DDX39B: variants seen among roughly 807,000 people sequenced by gnomAD.
DDX39B encodes the protein DExD-box helicase 39B, also known as spliceosome RNA helicase DDX39B.
DDX39B carries 6 observed loss-of-function variants against 46.4 expected under a neutral mutation model. That is an observed-to-expected ratio of 0.13 (90% CI 0.07 to 0.26). The LOEUF is 0.26. DDX39B is among the 10% of genes least tolerant of loss of function. The pLI is 1.00. For missense variants in DDX39B, 185 were observed against 553.4 expected, an observed-to-expected ratio of 0.33 and a Z score of 6.68; for synonymous variants, 174 against 199.4, an observed-to-expected ratio of 0.87 and a Z score of 1.07.
chr6:31,534,442 C>T lies in DDX39B; in HGVS notation c.735+925G>A, dbSNP rs375635438. The T allele has an allele frequency of 2.1e-6, 1 of 470,532 alleles. No individual in the cohort carries two copies. Among genetic ancestry groups the T allele is most frequent in the Admixed American group, 2.4e-5 (1 of 42,434 alleles). The allele number at this position is 470,532 out of a possible 1,614,324, so 29.1% of individuals were successfully genotyped here. Reference sequence around the variant, plus strand: ...TCCACTGCTTATGCAATTGGCCCCACCTAGCCCCAAACCCTAACAACCACC... The same window carrying T: ...TCCACTGCTTATGCAATTGGCCCCATCTAGCCCCAAACCCTAACAACCACC... On this transcript the variant is annotated intron_variant, in intron 6 of 10. Transcript: ENST00000396172. The surrounding 1 kb of genome is among the most constrained non-coding windows in gnomAD (Gnocchi z 5.1).
Position 31,534,244 on chromosome 6 carries a change from C to T in DDX39B, c.735+1123G>A. ...CAAATTCCTGGGCTCAAGCAATCCT[C>T]CCACCTTGGCCTCCCAAAGTGCTGG... On this transcript the variant is annotated intron_variant, in intron 6 of 10. Coordinates refer to ENST00000396172, the MANE Select transcript of DDX39B (RefSeq NM_004640.7). This position sits in a 1 kb window ranked among gnomAD's most constrained non-coding sequence, Gnocchi z 5.1. 4.2e-6 allele frequency: 1 copy of T among 240,318 alleles called. No individual in the cohort carries two copies. 14.9% of individuals were successfully genotyped at this position (240,318 alleles called of 1,614,324 possible). A position where few individuals can be genotyped will look rare whatever the true frequency, so the allele number is the denominator to read the frequency against.
Position 31,531,151 on chromosome 6 carries a change from C to A in DDX39B, c.1024G>T (p.Val342Leu). The change falls in exon 9 of 11, where the codon GTG becomes TTG. Residue 342 changes from valine to leucine, a missense_variant. By Grantham distance (32) the Val-to-Leu change is conservative (BLOSUM62 1). This residue lies in a region of DDX39B where 110 missense variants were observed against 282.2 expected (regional missense o/e 0.39). Transcript: ENST00000396172. This position sits in a 1 kb window ranked among gnomAD's most constrained non-coding sequence, Gnocchi z 5.8. ...QFKDFQRRIL[V>L]ATNLFGRGMD... Reference sequence around the variant, plus strand: ...CCTCGGCCAAATAGGTTGGTAGCCACAAGAATTCGTCGTTGAAAATCTTTA... The same window carrying A: ...CCTCGGCCAAATAGGTTGGTAGCCAAAAGAATTCGTCGTTGAAAATCTTTA... 1 of 1,614,204 alleles carries A rather than the reference C, an allele frequency of 6.2e-7. No homozygotes were observed. The highest frequency in any genetic ancestry group is 8.5e-7 in the Non-Finnish European group (1 of 1,180,040).
intron 4 of DDX39B, among the ~76,000 whole-genome samples, chr6:31,537,802 G>A (rs1767950471): frequency 6.6e-6 from 1 of 152,070 alleles, no homozygotes; most frequent in Non-Finnish European, 1.5e-5. Flanking sequence ...TTGGGAGGCC[G>A]AGGTGGGTGG....
At chr6:31,536,840 C>G (rs1442498400) in intron 4 of DDX39B, among the ~76,000 whole-genome samples, 157 bp from the exon 5 acceptor site, 1 of 152,208 alleles carries the variant, frequency 6.6e-6, no homozygotes, top group Non-Finnish European at 1.5e-5. Flanking sequence ...ATGTCCCCCC[C>G]ACCAAACACT....
chr6:31,536,375 G>T (rs750853842), intron 5 of DDX39B, 125 bp downstream of exon 5: 1 of 1,338,944 alleles, frequency 7.5e-7, no homozygotes, highest in Non-Finnish European at 1.1e-6. Context: ...GGAACCCAGA[G>T]CCATCAGTCA....
chr6:31,532,973 G>C lies in DDX39B; in HGVS notation c.736-62C>G, dbSNP rs1157514519. On this transcript the variant is annotated intron_variant, in intron 6 of 10. Transcript: ENST00000396172. ...GCAGAGTGGGGGGGTTAAACCTGGG[G>C]GGGTGGAGGAAGTTGATCTCCAATA... 6 of 301,070 alleles carry C rather than the reference G, an allele frequency of 2.0e-5. 1 individual carries two copies. Among genetic ancestry groups the C allele is most frequent in the South Asian group, 6.8e-5 (3 of 44,136 alleles). The allele number at this position is 301,070 out of a possible 1,614,324, so 18.6% of individuals were successfully genotyped here.
At position 31,534,540 on chromosome 6, in the gene DDX39B, GA is replaced by G. The variant is rs773692752; in HGVS notation, c.735+826del. The G allele has an allele frequency of 1.9e-5, 9 of 468,544 alleles. No homozygotes were observed. 29.0% of individuals were successfully genotyped at this position (468,544 alleles called of 1,614,324 possible). On this transcript the variant is annotated intron_variant, in intron 6 of 10. Transcript: ENST00000396172. The surrounding 1 kb of genome is among the most constrained non-coding windows in gnomAD (Gnocchi z 5.1). ...AAAAAAAACAAAAAAATTTTTTTAAGAAAAAAAATCTACCACCCCATTCAGG... is the reference window on the plus strand; with the variant it reads ...AAAAAAAACAAAAAAATTTTTTTAAGAAAAAAATCTACCACCCCATTCAGG...
chr6:31,536,397 T>C (rs755119073), intron 5 of DDX39B, 103 bp downstream of exon 5: 109 of 1,531,500 alleles, frequency 7.1e-5, no homozygotes, highest in Non-Finnish European at 9.0e-5. Flanking sequence ...GGGTGATAGA[T>C]AAGAGTCGTC....
chr6:31,536,603 C>G lies in DDX39B; in HGVS notation c.513G>C (p.Gly171=). The change falls in exon 5 of 11, where the codon GGG becomes GGC. Residue 171 remains glycine (G), a synonymous_variant. Coordinates refer to ENST00000396172, the MANE Select transcript of DDX39B (RefSeq NM_004640.7). ...LKKNCPHIVV[G]TPGRILALAR... is the part of the protein sequence containing the mutation. ...CCAGGGCTAGGATACGGCCTGGAGTCCCCACGACGATATGCGGGCAGTTCT... is the reference window on the plus strand; with the variant it reads ...CCAGGGCTAGGATACGGCCTGGAGTGCCCACGACGATATGCGGGCAGTTCT... The G allele has an allele frequency of 6.2e-7, 1 of 1,613,234 alleles. No individual in the cohort carries two copies. Among genetic ancestry groups the G allele is most frequent in the South Asian group, 1.1e-5 (1 of 91,074 alleles).
chr6:31,532,679 T>C, intron 7 of DDX39B, 101 bp downstream of exon 7: 1 of 1,460,718 alleles, frequency 6.8e-7, no homozygotes, highest in South Asian at 1.2e-5. Flanking sequence ...CTCTCCCACA[T>C]CACACATGTG....
intron 1 of DDX39B, 163 bp downstream of exon 1, chr6:31,541,784 CAGG>C (rs1768505896): frequency 4.5e-6 from 3 of 662,630 alleles, no homozygotes; most frequent in South Asian, 3.1e-5. Context: ...TTCCTTCCCC[CAGG>C]AGCTCTTTGC....
At chr6:31,533,020 G>T in intron 6 of DDX39B, 109 bp from the exon 7 acceptor site, 1 of 630,274 alleles carries the variant, frequency 1.6e-6, no homozygotes. Flanking sequence ...GGGATGGGGA[G>T]GAAAGAGAAG....
At position 31,531,546 on chromosome 6, in the gene DDX39B, T is replaced by C. The variant is rs1450775195; in HGVS notation, c.868-141A>G. ...TCATTTCTCTTATTCCCCCACTATA[T>C]ATTTAGAGCAGAAAAGGAAATATAA... On this transcript the variant is annotated intron_variant, in intron 7 of 10. Coordinates refer to ENST00000396172, the MANE Select transcript of DDX39B (RefSeq NM_004640.7). The surrounding 1 kb of genome is among the most constrained non-coding windows in gnomAD (Gnocchi z 5.8). 1.4e-6 allele frequency: 1 copy of C among 711,558 alleles called. No homozygotes were observed. Among genetic ancestry groups the C allele is most frequent in the East Asian group, 2.7e-5 (1 of 36,656 alleles). The allele number at this position is 711,558 out of a possible 1,614,324, so 44.1% of individuals were successfully genotyped here. A position where few individuals can be genotyped will look rare whatever the true frequency, so the allele number is the denominator to read the frequency against.
chr6:31,534,167 G>A lies in DDX39B; in HGVS notation c.735+1200C>T, dbSNP rs549587086. 3.9e-4 allele frequency: 72 copies of A among 183,046 alleles called. No homozygotes were observed. The highest frequency in any genetic ancestry group is 1.4e-3 in the Admixed American group (25 of 17,518). 11.3% of individuals were successfully genotyped at this position (183,046 alleles called of 1,614,324 possible). On this transcript the variant is annotated intron_variant, in intron 6 of 10. Transcript: ENST00000396172. This position sits in a 1 kb window ranked among gnomAD's most constrained non-coding sequence, Gnocchi z 5.1. ...TGGGACTACAGGCATGCGCCACCAC[G>A]CCCGGTTTTTCTGGTAGAGACAAAG...
chr6:31,533,472 TAAG>T (rs1767421968), intron 6 of DDX39B: 1 of 155,202 alleles, frequency 6.4e-6, no homozygotes, highest in East Asian at 1.9e-4. Context: ...AAATGCCACT[TAAG>T]GAGAAACAAA....
rs776298571 is a variant in DDX39B, at chr6:31,534,327, G to C, written c.735+1040C>G. The C allele has an allele frequency of 2.9e-6, 1 of 339,658 alleles. No individual in the cohort carries two copies. Among genetic ancestry groups the C allele is most frequent in the Non-Finnish European group, 6.1e-6 (1 of 162,806 alleles). 21.0% of individuals were successfully genotyped at this position (339,658 alleles called of 1,614,324 possible). ...CAGGCTTTCTAAAGAGAAGTTCCAT[G>C]GCCTCCTTCAAATCTCATTCTAGCC... On this transcript the variant is annotated intron_variant, in intron 6 of 10. Coordinates refer to ENST00000396172, the MANE Select transcript of DDX39B (RefSeq NM_004640.7). The surrounding 1 kb of genome is among the most constrained non-coding windows in gnomAD (Gnocchi z 5.1).
intron 4 of DDX39B, 35 bp downstream of exon 4, chr6:31,538,728 C>T (rs1176109856): frequency 6.3e-7 from 1 of 1,577,084 alleles, no homozygotes; most frequent in Admixed American, 1.9e-5. Flanking sequence ...CAACTTGCCA[C>T]ACCCTCACTC....
chr6:31,532,220 CTT>C lies in DDX39B; in HGVS notation c.867+558_867+559del, dbSNP rs536659996. Among the ~76,000 whole-genome samples, 4 of 152,268 alleles carry C rather than the reference CTT, an allele frequency of 2.6e-5. No homozygotes were observed. In the South Asian group the frequency reaches 8.3e-4, roughly 32 times the overall value. On this transcript the variant is annotated intron_variant, in intron 7 of 10. Transcript: ENST00000396172. ...CATGCCCCCAAACATCGTTTCAAGACTTTTAACAACTTCCTAAAATCCTTCAA... is the reference window on the plus strand; with the variant it reads ...CATGCCCCCAAACATCGTTTCAAGACTTAACAACTTCCTAAAATCCTTCAA...
chr6:31,535,789 A>G lies in DDX39B; in HGVS notation c.617-304T>C, dbSNP rs892558428. Among the ~76,000 whole-genome samples the G allele has an allele frequency of 1.3e-5, 2 of 152,198 alleles. No individual in the cohort carries two copies. Among genetic ancestry groups the G allele is most frequent in the African/African-American group, 4.8e-5 (2 of 41,450 alleles). On this transcript the variant is annotated intron_variant, in intron 5 of 10. Coordinates refer to ENST00000396172, the MANE Select transcript of DDX39B (RefSeq NM_004640.7). This position sits in a 1 kb window ranked among gnomAD's most constrained non-coding sequence, Gnocchi z 4.6. ...CCCAACCCTTTCCTGCCCAAGCCCC[A>G]GCCAGCCTTCAGCAGACTACAAATA...
Sources: gnomAD v4.1 joint callset for allele counts (sites outside exome capture counted in the v4.1 genomes callset) on GRCh38, gnomAD v4.1.1 for gene constraint, gnomAD v4.1.1 regional missense constraint, Gnocchi (gnomAD v3.1) non-coding constraint, MANE v1.5 for transcripts, NCBI Gene and HGNC (gene_info 2026-07-23, HGNC 2026-07-21) for gene names.